The following RTEL1 variants were observed in gnomAD, a reference collection of about 807,000 sequenced individuals.
The protein encoded by RTEL1 is regulator of telomere length.
RTEL1 carries 86 observed loss-of-function variants against 162.2 expected under a neutral mutation model. The ratio of observed to expected loss-of-function variants is 0.53; its 90% confidence interval spans 0.45 to 0.63. The LOEUF (loss-of-function observed/expected upper bound fraction) is 0.63, where lower values mean the gene tolerates loss of function less well. Ranked by LOEUF, RTEL1 falls within the 30% of genes least tolerant of loss-of-function variation. RTEL1 has a pLI of 0.00. For missense variants in RTEL1, 1,941 were observed against 1,750.2 expected, an observed-to-expected ratio of 1.11 and a Z score of -1.95; for synonymous variants, 958 against 717.9, an observed-to-expected ratio of 1.33 and a Z score of -5.35.
intron 28 of RTEL1, 133 bp from the exon 29 acceptor site, chr20:63,692,672 G>C: frequency 4.6e-6 from 4 of 864,188 alleles, no homozygotes; most frequent in Non-Finnish European, 7.2e-6. Flanking sequence ...CAGCCAGCCA[G>C]TTTCTCAGGC....
At chr20:63,695,703 T>C in intron 34 of RTEL1, 53 bp downstream of exon 34, 1 of 1,607,856 alleles carries the variant, frequency 6.2e-7, no homozygotes, top group Non-Finnish European at 8.5e-7. Flanking sequence ...GGTGATGGGC[T>C]GAGGGGGAAA....
Position 63,679,759 on chromosome 20 carries a change from C to T in RTEL1, c.1038-90C>T. ...ATCTTTGACCAGTGTCGTCCCCCCT[C>T]AGGCCCGAGCCTGCCTTCTTCTCCT... On this transcript the variant is annotated intron_variant, in intron 12 of 34. Transcript: ENST00000360203. 4.1e-6 allele frequency: 4 copies of T among 979,798 alleles called. No homozygotes were observed. In the South Asian group the frequency reaches 5.2e-5, roughly 13 times the overall value. 60.7% of individuals were successfully genotyped at this position (979,798 alleles called of 1,614,324 possible).
Position 63,693,256 on chromosome 20 carries a change from C to G in RTEL1, c.2965C>G (p.Arg989Gly). ...RPEHSIPRRQ[R>G]AQPVLDPTGR... ...TGAGCACAGCATTCCCCGAAGGCAG[C>G]GGGCACAGCCGGTCCTGGACCCCAC... is the stretch of plus-strand genomic sequence containing the variant. The change falls in exon 30 of 35, where the codon CGG becomes GGG. Residue 989 changes from arginine to glycine, a missense_variant. By Grantham distance (125) the Arg-to-Gly change is moderately radical. Coordinates refer to ENST00000360203, the MANE Select transcript of RTEL1 (RefSeq NM_001283009.2). The G allele has an allele frequency of 6.2e-7, 1 of 1,611,880 alleles. No homozygotes were observed. The highest frequency in any genetic ancestry group is 8.5e-7 in the Non-Finnish European group (1 of 1,179,424).
At chr20:63,679,154 GCTGT>G (rs1428084123) in intron 12 of RTEL1, among the ~76,000 whole-genome samples, 2 of 152,208 alleles carry the variant, frequency 1.3e-5, no homozygotes, top group Admixed American at 6.5e-5. Flanking sequence ...AGCAGGGTTT[GCTGT>G]CTGTCCTGCA....
chr20:63,677,510 G>C (rs1273690907), intron 10 of RTEL1, among the ~76,000 whole-genome samples: 1 of 152,208 alleles, frequency 6.6e-6, no homozygotes, highest in African/African-American at 2.4e-5. Context: ...AGCTAGTCGG[G>C]AGACAGACAC....
At chr20:63,674,279 T>C (rs1369651684) in intron 10 of RTEL1, among the ~76,000 whole-genome samples, 186 bp downstream of exon 10, 1 of 152,242 alleles carries the variant, frequency 6.6e-6, no homozygotes. Flanking sequence ...GGGCACCATC[T>C]ATTCAGGCTG....
chr20:63,659,755 A>T (rs540912424), intron 2 of RTEL1, among the ~76,000 whole-genome samples: 10 of 152,218 alleles, frequency 6.6e-5, no homozygotes, highest in Non-Finnish European at 1.5e-4. Context: ...GACTGAGAAA[A>T]TGAATAAGAC....
Position 63,694,417 on chromosome 20 carries a change from C to T in RTEL1, c.3038C>T (p.Ala1013Val), listed in dbSNP as rs569586118. 189 of 1,612,416 alleles carry T rather than the reference C, an allele frequency of 1.2e-4. 4 individuals are homozygous for T. The South Asian group carries it at 2.0e-3, about 17-fold the overall frequency. The change falls in exon 31 of 35, where the codon GCC becomes GTC. Residue 1013 changes from alanine (A) to valine (V), a missense_variant. Physicochemically the swap from Ala to Val is moderately conservative, Grantham distance 64 (BLOSUM62 0). Transcript: ENST00000360203. Reference sequence around the variant, plus strand: ...AAGCTGACCGTGTCCACGGCTGCAGCCCAGCAGCTGGACCCCCAAGAGCAC... The same window carrying T: ...AAGCTGACCGTGTCCACGGCTGCAGTCCAGCAGCTGGACCCCCAAGAGCAC... ...DPKLTVSTAA[A>V]QQLDPQEHLN... is the part of the protein sequence containing the mutation.
At chr20:63,689,032 A>C in intron 21 of RTEL1, 23 bp from the exon 22 acceptor site, 4 of 1,605,018 alleles carry the variant, frequency 2.5e-6, no homozygotes, top group Non-Finnish European at 3.4e-6. Context: ...CTCCAGGCTC[A>C]GCCTCACCAA....
chr20:63,692,890 C>T lies in RTEL1; in HGVS notation c.2738C>T (p.Ala913Val). Residue 913 changes from alanine (A) to valine (V), a missense_variant, in exon 29 of 35, where the codon GCC becomes GTC. Transcript: ENST00000360203. Reference sequence around the variant, plus strand: ...CAGGAGTTGAGCCAAGCCAACTTTGCCACCTTCACCCAGGCCCTGCAGGAC... The same window carrying T: ...CAGGAGTTGAGCCAAGCCAACTTTGTCACCTTCACCCAGGCCCTGCAGGAC... Reference protein sequence around the residue: ...VKQELSQANFATFTQALQDYK... With the variant: ...VKQELSQANFVTFTQALQDYK... 6.2e-7 allele frequency: 1 copy of T among 1,612,656 alleles called. No homozygotes were observed. The highest frequency in any genetic ancestry group is 1.3e-5 in the African/African-American group (1 of 75,056).
chr20:63,680,028 C>T (rs775786104), intron 13 of RTEL1, 82 bp downstream of exon 13: 6 of 950,146 alleles, frequency 6.3e-6, no homozygotes, highest in South Asian at 1.6e-5. Context: ...AGTCAGGGCT[C>T]CCCTGGCCGT....
chr20:63,662,021 T>A, intron 4 of RTEL1, 78 bp downstream of exon 4: 2 of 1,092,282 alleles, frequency 1.8e-6, no homozygotes, highest in South Asian at 1.3e-5. Flanking sequence ...CACAGCCCCA[T>A]GCTGTGCTGT....
Position 63,685,836 on chromosome 20 carries a change from T to A in RTEL1, c.1312T>A (p.Ser438Thr). The A allele has an allele frequency of 6.2e-7, 1 of 1,612,642 alleles. No homozygotes were observed. The highest frequency in any genetic ancestry group is 8.5e-7 in the Non-Finnish European group (1 of 1,179,922). Residue 438 changes from serine to threonine, a missense_variant, in exon 16 of 35, where the codon TCT becomes ACT. Physicochemically the swap from Ser to Thr is moderately conservative, Grantham distance 58 (BLOSUM62 1). Coordinates refer to ENST00000360203, the MANE Select transcript of RTEL1 (RefSeq NM_001283009.2). ...TGGTCACCGGAGGACGGCTCAGCGG[T>A]CTGATGCCTGGAGCACCACTGCAGC... ...DAGHRRTAQR[S>T]DAWSTTAARK...
rs1231836543 is a variant in RTEL1, at chr20:63,667,318, C to G, written c.615-151C>G. ...ACTCCCCATCCCTTGGTCAGAAACTCACGTGGACTCCCATCCATCCCAGGC... is the reference window on the plus strand; with the variant it reads ...ACTCCCCATCCCTTGGTCAGAAACTGACGTGGACTCCCATCCATCCCAGGC... On this transcript the variant is annotated intron_variant, in intron 7 of 34. Coordinates refer to ENST00000360203, the MANE Select transcript of RTEL1 (RefSeq NM_001283009.2). 1.9e-5 allele frequency: 13 copies of G among 684,786 alleles called. 1 individual carries two copies. The highest frequency in any genetic ancestry group is 3.5e-5 in the Non-Finnish European group (13 of 371,540). 42.4% of individuals were successfully genotyped at this position (684,786 alleles called of 1,614,324 possible).
intron 2 of RTEL1, chr20:63,660,922 C>T (rs1040033817): frequency 1.2e-4 from 27 of 224,252 alleles, no homozygotes; most frequent in African/African-American, 7.0e-5. Flanking sequence ...CTCAGGTTCC[C>T]GTCTGAGAGC....
chr20:63,673,283 ACTC>A (rs2146195722), intron 9 of RTEL1, among the ~76,000 whole-genome samples: 2 of 147,518 alleles, frequency 1.4e-5, no homozygotes, highest in South Asian at 4.3e-4. Context: ...AGTCCCAGCT[ACTC>A]AGGAGGCTGA....
At chr20:63,674,840 G>A (rs1601122089) in intron 10 of RTEL1, among the ~76,000 whole-genome samples, 2 of 152,054 alleles carry the variant, frequency 1.3e-5, no homozygotes, top group African/African-American at 4.8e-5. Context: ...TCCACACAGC[G>A]CTAGTCACGG....
At chr20:63,680,586 T>C in intron 13 of RTEL1, 78 bp from the exon 14 acceptor site, 5 of 1,502,844 alleles carry the variant, frequency 3.3e-6, no homozygotes, top group Non-Finnish European at 1.8e-6. Flanking sequence ...CTGAGCGGGC[T>C]CATGCTGGAA....
At position 63,672,615 on chromosome 20, in the gene RTEL1, C is replaced by T; in HGVS notation, c.759C>T (p.His253=). Residue 253 remains histidine (H), a synonymous_variant, in exon 9 of 35, where the codon CAC becomes CAT. Transcript: ENST00000360203. The part of the protein sequence containing the change: ...KGTVVIFDEA[H]NVEKMCEESA... The stretch of plus-strand genomic sequence containing the variant: ...CAGTCGTGATCTTTGACGAAGCTCA[C>T]AACGTGGTGAGTCTCCGCTGGCCTC... The T allele has an allele frequency of 6.3e-7, 1 of 1,582,818 alleles. No homozygotes were observed. The highest frequency in any genetic ancestry group is 1.3e-5 in the African/African-American group (1 of 74,678).
Sources: gnomAD v4.1 joint callset for allele counts (sites outside exome capture counted in the v4.1 genomes callset) on GRCh38, gnomAD v4.1.1 for gene constraint, MANE v1.5 for transcripts, NCBI Gene and HGNC (gene_info 2026-07-23, HGNC 2026-07-21) for gene names.